The following MYO3A variants were observed in gnomAD, a reference collection of about 807,000 sequenced individuals.
MYO3A encodes myosin-IIIa.
MYO3A carries 180 observed loss-of-function variants against 192.7 expected under a neutral mutation model. The ratio of observed to expected loss-of-function variants is 0.93; its 90% CI spans 0.83 to 1.06. The LOEUF (loss-of-function observed/expected upper bound fraction) is 1.06, where lower values mean the gene tolerates loss of function less well. Ranked by LOEUF, MYO3A falls within the 50% of genes least tolerant of loss-of-function variation. MYO3A has a pLI of 0.00. For missense variants in MYO3A, 1,896 were observed against 1,905.0 expected (o/e 1.00, Z 0.09); for synonymous variants, 628 against 645.3 (o/e 0.97, Z 0.41).
intron 10 of MYO3A, among the ~76,000 whole-genome samples, chr10:26,044,066 C>T (rs1365729882): frequency 6.6e-6 from 1 of 152,156 alleles, no homozygotes; most frequent in African/African-American, 2.4e-5. Context: ...CCCTTTAAGT[C>T]AGCAGCATAT....
chr10:26,032,712 G>A (rs1409935758), intron 10 of MYO3A, among the ~76,000 whole-genome samples: 2 of 151,420 alleles, frequency 1.3e-5, no homozygotes, highest in East Asian at 1.9e-4. Context: ...ATGTAAATTC[G>A]CTCAAATAGG....
chr10:25,995,917 G>A (rs150046274), intron 4 of MYO3A, among the ~76,000 whole-genome samples: 5,391 of 152,302 alleles, frequency 0.035, 312 homozygotes, highest in African/African-American at 0.12. Context: ...GCCCCTACTG[G>A]GGAGTGCCTC....
intron 2 of MYO3A, among the ~76,000 whole-genome samples, chr10:25,940,573 G>T (rs1001814530): frequency 3.3e-5 from 5 of 151,694 alleles, no homozygotes; most frequent in Non-Finnish European, 7.4e-5. Context: ...CCTTTCTTGC[G>T]GGATCATTGT....
At chr10:25,999,777 A>G (rs997349395) in intron 6 of MYO3A, among the ~76,000 whole-genome samples, 1 of 152,214 alleles carries the variant, frequency 6.6e-6, no homozygotes, top group Non-Finnish European at 1.5e-5. Flanking sequence ...CTACATATAA[A>G]GAGTTTCTTG....
rs1030486181 is a variant in MYO3A, at chr10:25,980,218, C to T, written c.304-16272C>T. On this transcript the variant is annotated intron_variant, in intron 4 of 34. Coordinates refer to ENST00000642920, the MANE Select transcript of MYO3A (RefSeq NM_017433.5). ...CACCACTGCACTCCAGCCTGGGCAA[C>T]GGAGCGAGACTCCGTCTCAAAAAAA... Among the ~76,000 whole-genome samples the T allele has an allele frequency of 5.4e-4, 80 of 147,314 alleles. 1 individual carries two copies. The highest frequency in any genetic ancestry group is 5.2e-3 in the Admixed American group (75 of 14,496).
At chr10:26,019,518 A>G (rs141610123) in intron 7 of MYO3A, among the ~76,000 whole-genome samples, 10,020 of 152,158 alleles carry the variant, frequency 0.066, 415 homozygotes, top group Non-Finnish European at 0.094. Context: ...GAGTTTCACC[A>G]TGTTAGCCAG....
chr10:26,122,634 C>T (rs1300430502), intron 18 of MYO3A, among the ~76,000 whole-genome samples: 2 of 152,134 alleles, frequency 1.3e-5, no homozygotes, highest in Non-Finnish European at 2.9e-5. Context: ...CTCCACAATT[C>T]TTTCAGAAAC....
chr10:25,984,839 A>G (rs1839548889), intron 4 of MYO3A, among the ~76,000 whole-genome samples: 1 of 152,244 alleles, frequency 6.6e-6, no homozygotes. Context: ...AAATGAAAAA[A>G]TTATTTGAAC....
At chr10:26,160,978 TG>T (rs1319915049) in intron 26 of MYO3A, among the ~76,000 whole-genome samples, 2 of 152,188 alleles carry the variant, frequency 1.3e-5, no homozygotes, top group African/African-American at 4.8e-5. Flanking sequence ...ATGTCAGAAA[TG>T]AGAATAAATT....
At chr10:26,131,188 AAC>A (rs1344662168) in intron 20 of MYO3A, among the ~76,000 whole-genome samples, 1 of 152,248 alleles carries the variant, frequency 6.6e-6, no homozygotes, top group Non-Finnish European at 1.5e-5. Context: ...GAACATAAAT[AAC>A]AGTCTGCTGA....
intron 4 of MYO3A, among the ~76,000 whole-genome samples, chr10:25,957,201 A>C (rs1837607424): frequency 6.6e-6 from 1 of 152,144 alleles, no homozygotes; most frequent in Non-Finnish European, 1.5e-5. Flanking sequence ...GTGTTGTGGA[A>C]GGGACCCAGT....
At chr10:26,116,970 A>T (rs78839670) in intron 17 of MYO3A, among the ~76,000 whole-genome samples, 10 of 152,338 alleles carry the variant, frequency 6.6e-5, no homozygotes, top group African/African-American at 2.2e-4. Context: ...CAAGCCATAG[A>T]TCTGGGTCTG....
intron 17 of MYO3A, among the ~76,000 whole-genome samples, chr10:26,108,295 G>A (rs1373201783): frequency 6.6e-6 from 1 of 152,126 alleles, no homozygotes; most frequent in Non-Finnish European, 1.5e-5. Context: ...TTTCATAAAT[G>A]ACACTCCTGC....
intron 33 of MYO3A, 109 bp from the exon 34 acceptor site, chr10:26,202,855 G>T (rs1424277269): frequency 2.0e-5 from 25 of 1,227,014 alleles, no homozygotes; most frequent in Middle Eastern, 2.5e-4. Context: ...ACATGTGTAT[G>T]TTACTCTAAA....
chr10:26,150,521 A>G (rs2131888897), intron 23 of MYO3A, among the ~76,000 whole-genome samples: 1 of 152,324 alleles, frequency 6.6e-6, no homozygotes, highest in East Asian at 1.9e-4. Flanking sequence ...AAGCTATCTG[A>G]GTTATCTAAT....
intron 18 of MYO3A, among the ~76,000 whole-genome samples, chr10:26,125,109 A>G (rs1839135173): frequency 6.6e-6 from 1 of 152,224 alleles, no homozygotes; most frequent in Non-Finnish European, 1.5e-5. Context: ...TATATTTGAC[A>G]TCACATAAAC....
At chr10:26,027,181 AT>A (rs1446307000) in intron 10 of MYO3A, among the ~76,000 whole-genome samples, 3 of 152,210 alleles carry the variant, frequency 2.0e-5, no homozygotes, top group Non-Finnish European at 4.4e-5. Flanking sequence ...GTTAAATTAT[AT>A]TTAAAGATCA....
At chr10:26,009,172 A>G (rs543200716) in intron 6 of MYO3A, among the ~76,000 whole-genome samples, 1 of 151,272 alleles carries the variant, frequency 6.6e-6, no homozygotes, top group African/African-American at 2.4e-5. Flanking sequence ...GTGGGAATTG[A>G]ACAGTGAGAA....
intron 6 of MYO3A, among the ~76,000 whole-genome samples, chr10:26,010,154 C>A (rs11014906): frequency 0.094 from 14,289 of 152,144 alleles, 1,179 homozygotes; most frequent in African/African-American, 0.21. Context: ...TCTTTATTAT[C>A]AGATATGAAC....
Sources: gnomAD v4.1 joint callset for allele counts (sites outside exome capture counted in the v4.1 genomes callset) on GRCh38, gnomAD v4.1.1 for gene constraint, MANE v1.5 for transcripts, NCBI Gene and HGNC (gene_info 2026-07-23, HGNC 2026-07-21) for gene names.